TBC1D2B: variants seen among roughly 807,000 people sequenced by gnomAD.
TBC1D2B encodes TBC1 domain family, member 2B.
TBC1D2B carries 64 observed loss-of-function variants against 100.8 expected under a neutral mutation model. That is an observed-to-expected ratio of 0.64 (90% confidence interval 0.52 to 0.78). TBC1D2B has a LOEUF of 0.78. Among genes scored for constraint, TBC1D2B ranks in the 30% least tolerant of loss-of-function variants. The pLI is 0.00. For missense variants in TBC1D2B, 1,052 were observed against 1,218.4 expected, an observed-to-expected ratio of 0.86 and a Z score of 2.03; for synonymous variants, 480 against 479.7, an observed-to-expected ratio of 1.00 and a Z score of -0.01.
chr15:78,077,648 G>T lies in TBC1D2B; in HGVS notation c.5C>A (p.Pro2Gln). 4.2e-6 allele frequency: 4 copies of T among 961,768 alleles called. No homozygotes were observed. The highest frequency in any genetic ancestry group is 4.9e-6 in the Non-Finnish European group (4 of 823,232). 59.6% of individuals were successfully genotyped at this position (961,768 alleles called of 1,614,324 possible). M[P>Q]GAGARAEEGG... Reference sequence around the variant, plus strand: ...CTCCTCCGCCCGGGCTCCGGCCCCCGGCATCGCTACCGCGCGCCAACCGTA... The same window carrying T: ...CTCCTCCGCCCGGGCTCCGGCCCCCTGCATCGCTACCGCGCGCCAACCGTA... The change falls in exon 1 of 13, where the codon CCG becomes CAG. Residue 2 changes from proline (P) to glutamine (Q), a missense_variant. By Grantham distance (76) the Pro-to-Gln change is moderately conservative. Around this residue, in one of 4 missense-constraint regions of TBC1D2B, gnomAD observed 627 missense variants for 646.1 expected, o/e 0.97. Coordinates refer to ENST00000300584, the MANE Select transcript of TBC1D2B (RefSeq NM_144572.2).
At chr15:78,001,058 C>A (rs987573447) in intron 12 of TBC1D2B, among the ~76,000 whole-genome samples, 1 of 152,238 alleles carries the variant, frequency 6.6e-6, no homozygotes, top group African/African-American at 2.4e-5. Context: ...TCTGCTATGG[C>A]CCAGCCACAC....
At chr15:78,076,027 G>C (rs1046333919) in intron 1 of TBC1D2B, among the ~76,000 whole-genome samples, 1 of 152,170 alleles carries the variant, frequency 6.6e-6, no homozygotes, top group African/African-American at 2.4e-5. Context: ...AGGAGTGAGA[G>C]TGAGGGTGGA....
chr15:78,003,989 C>T, intron 10 of TBC1D2B, among the ~76,000 whole-genome samples: 1 of 152,192 alleles, frequency 6.6e-6, no homozygotes, highest in South Asian at 2.1e-4. Flanking sequence ...TCCGGCGTCA[C>T]ATGAACCTGA....
At chr15:78,069,227 A>T (rs2073708527) in intron 1 of TBC1D2B, among the ~76,000 whole-genome samples, 1 of 152,198 alleles carries the variant, frequency 6.6e-6, no homozygotes, top group Admixed American at 6.5e-5. Flanking sequence ...TAATGTGCAT[A>T]TGAGCAAAGC....
intron 9 of TBC1D2B, among the ~76,000 whole-genome samples, chr15:78,009,350 C>T (rs1475132262): frequency 6.6e-6 from 1 of 152,110 alleles, no homozygotes. Flanking sequence ...GCCTGGGCAA[C>T]ATAGCAAGAC....
chr15:78,037,152 G>A (rs939310127), intron 3 of TBC1D2B, among the ~76,000 whole-genome samples: 5 of 151,946 alleles, frequency 3.3e-5, no homozygotes, highest in Admixed American at 2.6e-4. Context: ...CTGTCCAAAG[G>A]GCAGACACCC....
At chr15:78,038,157 C>T (rs574250287) in intron 3 of TBC1D2B, among the ~76,000 whole-genome samples, 6 of 152,310 alleles carry the variant, frequency 3.9e-5, no homozygotes, top group South Asian at 2.1e-4. Context: ...TTCCTCAAGT[C>T]GGTGCTGGAC....
At chr15:78,060,821 A>AC (rs756549012) in intron 1 of TBC1D2B, among the ~76,000 whole-genome samples, 1 of 145,774 alleles carries the variant, frequency 6.9e-6, no homozygotes, top group Non-Finnish European at 1.5e-5. Flanking sequence ...GGAGGCCGAG[A>AC]CAGGAGAATC....
chr15:78,058,503 A>C (rs1336788062), intron 1 of TBC1D2B, among the ~76,000 whole-genome samples: 1 of 152,210 alleles, frequency 6.6e-6, no homozygotes. Flanking sequence ...TAGTGCCTTT[A>C]TTCAGTGCTC....
intron 3 of TBC1D2B, among the ~76,000 whole-genome samples, chr15:78,031,375 G>A (rs567236376): frequency 6.6e-5 from 10 of 152,038 alleles, no homozygotes; most frequent in South Asian, 4.2e-4. Flanking sequence ...CCAACATGGC[G>A]AAACTCTGTC....
At chr15:78,020,677 A>G (rs781428583) in intron 6 of TBC1D2B, among the ~76,000 whole-genome samples, 6 of 152,118 alleles carry the variant, frequency 3.9e-5, no homozygotes, top group Non-Finnish European at 5.9e-5. Context: ...GTAAAGCATC[A>G]CCCCACGCTG....
In TBC1D2B at chr15:77,995,133, G is replaced by C. The variant is rs564214404; in HGVS notation, c.*3027C>G. The C allele has an allele frequency of 5.3e-5, 8 of 152,266 alleles. No homozygotes were observed. The highest frequency in any genetic ancestry group is 1.7e-4 in the African/African-American group (7 of 41,554). The allele number at this position is 152,266 out of a possible 1,614,324, so 9.4% of individuals were successfully genotyped here. A position where few individuals can be genotyped will look rare whatever the true frequency, so the allele number is the denominator to read the frequency against. ...TCCAGTTGCCCAGCAGCAGTGGGACGTTCAGTGGCACACAGTGGGTCTCTG... is the reference window on the plus strand; with the variant it reads ...TCCAGTTGCCCAGCAGCAGTGGGACCTTCAGTGGCACACAGTGGGTCTCTG... On this transcript the variant is annotated 3_prime_UTR_variant, in exon 13 of 13. Transcript: ENST00000300584.
intron 8 of TBC1D2B, among the ~76,000 whole-genome samples, chr15:78,015,682 C>T (rs2072354607): frequency 6.6e-6 from 1 of 152,198 alleles, no homozygotes; most frequent in Admixed American, 6.5e-5. Flanking sequence ...CTTCCATACT[C>T]CGCTTCTTCA....
chr15:78,063,189 A>G (rs2073585282), intron 1 of TBC1D2B, among the ~76,000 whole-genome samples: 1 of 152,066 alleles, frequency 6.6e-6, no homozygotes, highest in Admixed American at 6.6e-5. Flanking sequence ...AACTGTCTAT[A>G]TTATCATGTT....
intron 6 of TBC1D2B, among the ~76,000 whole-genome samples, chr15:78,019,906 G>A (rs548861388): frequency 1.3e-5 from 2 of 151,774 alleles, no homozygotes; most frequent in South Asian, 2.1e-4. Context: ...AAAAAAGGGG[G>A]GGGGAGACAG....
intron 9 of TBC1D2B, among the ~76,000 whole-genome samples, chr15:78,012,568 G>GA (rs1316509880): frequency 9.2e-5 from 14 of 152,040 alleles, no homozygotes; most frequent in Non-Finnish European, 1.8e-4. Flanking sequence ...GAACAAACAG[G>GA]AAAAAATGAG....
At chr15:78,061,941 G>A (rs144596880) in intron 1 of TBC1D2B, among the ~76,000 whole-genome samples, 44 of 152,254 alleles carry the variant, frequency 2.9e-4, no homozygotes, top group African/African-American at 1.0e-3. Context: ...ACACGGGAAG[G>A]TTTAGCTAAA....
At chr15:78,041,101 G>C (rs11072725) in intron 3 of TBC1D2B, among the ~76,000 whole-genome samples, 135,876 of 152,228 alleles carry the variant, frequency 0.89, 61,245 homozygotes, top group East Asian at 0.99. Flanking sequence ...ATCTTACAGG[G>C]TTTTAAGTTT....
chr15:78,012,742 G>A, intron 9 of TBC1D2B, 81 bp downstream of exon 9: 1 of 1,360,798 alleles, frequency 7.3e-7, no homozygotes. Flanking sequence ...GGCCAACCAG[G>A]AAGGGAGGGA....
Sources: gnomAD v4.1 joint callset for allele counts (sites outside exome capture counted in the v4.1 genomes callset) on GRCh38, gnomAD v4.1.1 for gene constraint, gnomAD v4.1.1 regional missense constraint, MANE v1.5 for transcripts, NCBI Gene and HGNC (gene_info 2026-07-23, HGNC 2026-07-21) for gene names.